The following PHACTR3 variants were observed in gnomAD, a reference collection of about 807,000 sequenced individuals.
The protein encoded by PHACTR3 is protein phosphatase 1, regulatory subunit 123.
A neutral mutation model predicts 66.8 loss-of-function variants in PHACTR3; 16 were observed. The ratio of observed to expected loss-of-function variants is 0.24; its 90% CI spans 0.16 to 0.36. The LOEUF is 0.36. PHACTR3 is among the 10% of genes least tolerant of loss of function. The pLI, the probability that PHACTR3 is intolerant of heterozygous loss-of-function variation, is 1.00. For missense variants in PHACTR3, 647 were observed against 719.9 expected (o/e 0.90, Z 1.16); for synonymous variants, 323 against 292.1 (o/e 1.11, Z -1.08).
At chr20:59,761,066 C>T (rs1178522464) in intron 4 of PHACTR3, among the ~76,000 whole-genome samples, 1 of 152,066 alleles carries the variant, frequency 6.6e-6, no homozygotes, top group Non-Finnish European at 1.5e-5. Flanking sequence ...AGGAGACAAA[C>T]ATTTCTTCTG....
rs117167478 is a variant in PHACTR3, at chr20:59,635,374, C to T, written c.118+30242C>T. Among the ~76,000 whole-genome samples, 657 of 150,702 alleles carry T rather than the reference C, an allele frequency of 4.4e-3. 13 individuals are homozygous for T. The highest frequency in any genetic ancestry group is 0.022 in the East Asian group (111 of 5,082). ...CTCAGCATCCCAATAGTTGGGATTACGGGCGTGCACCACCACACTCGGCTA... is the reference window on the plus strand; with the variant it reads ...CTCAGCATCCCAATAGTTGGGATTATGGGCGTGCACCACCACACTCGGCTA... On this transcript the variant is annotated intron_variant, in intron 1 of 12. Transcript: ENST00000371015.
intron 8 of PHACTR3, among the ~76,000 whole-genome samples, chr20:59,827,649 A>G (rs764301339): frequency 6.6e-6 from 1 of 151,780 alleles, no homozygotes; most frequent in Non-Finnish European, 1.5e-5. Context: ...TGGGAGGCCA[A>G]CTCCACGTAC....
chr20:59,811,776 C>G (rs1381336097), intron 8 of PHACTR3, among the ~76,000 whole-genome samples: 1 of 152,178 alleles, frequency 6.6e-6, no homozygotes, highest in Admixed American at 6.5e-5. Flanking sequence ...AACAGTGCAG[C>G]AAGCAGGCTA....
At position 59,800,330 on chromosome 20, in the gene PHACTR3, A is replaced by G. The variant is rs780268925; in HGVS notation, c.1175-5711A>G. Among the ~76,000 whole-genome samples the G allele has an allele frequency of 2.6e-5, 4 of 152,282 alleles. No homozygotes were observed. In the South Asian group the frequency reaches 8.3e-4, roughly 32 times the overall value. On this transcript the variant is annotated intron_variant, in intron 7 of 12. Coordinates refer to ENST00000371015, the MANE Select transcript of PHACTR3 (RefSeq NM_080672.5). ...TAAAGGATTTCCTTTGTCATTTCTTATAATGCAGGTCTGCTGGTGATGAAA... is the reference window on the plus strand; with the variant it reads ...TAAAGGATTTCCTTTGTCATTTCTTGTAATGCAGGTCTGCTGGTGATGAAA...
chr20:59,713,060 C>T (rs1288654776), intron 1 of PHACTR3, among the ~76,000 whole-genome samples: 1 of 152,212 alleles, frequency 6.6e-6, no homozygotes, highest in African/African-American at 2.4e-5. Flanking sequence ...AGCGAGTTTG[C>T]CTCATTTCTC....
chr20:59,622,146 A>ATTT (rs113981336), intron 1 of PHACTR3, among the ~76,000 whole-genome samples: 6 of 144,594 alleles, frequency 4.1e-5, no homozygotes, highest in African/African-American at 1.3e-4. Flanking sequence ...ACTTCCCCTG[A>ATTT]TTTTTTTTTT....
At position 59,840,315 on chromosome 20, in the gene PHACTR3, G is replaced by A. The variant is rs146467031; in HGVS notation, c.1385-54G>A. 47 of 1,587,940 alleles carry A rather than the reference G, an allele frequency of 3.0e-5. No homozygotes were observed. The African/African-American group carries it at 3.7e-4, about 12-fold the overall frequency. ...ACACTTCCCTGCTGAAGAGAAGAAC[G>A]TTTCAACCTGTTTCTCTTTGTTATT... is the stretch of plus-strand genomic sequence containing the variant. On this transcript the variant is annotated intron_variant, in intron 9 of 12. Coordinates refer to ENST00000371015, the MANE Select transcript of PHACTR3 (RefSeq NM_080672.5).
intron 1 of PHACTR3, among the ~76,000 whole-genome samples, chr20:59,605,598 C>T (rs1309338677): frequency 6.6e-6 from 1 of 152,206 alleles, no homozygotes; most frequent in Non-Finnish European, 1.5e-5. Flanking sequence ...TTCCACCAGG[C>T]GCCTGACTCC....
intron 1 of PHACTR3, among the ~76,000 whole-genome samples, chr20:59,712,242 C>A (rs2037936442): frequency 6.6e-6 from 1 of 152,076 alleles, no homozygotes. Context: ...TCCAGTGTGA[C>A]TTTTCCCCAA....
At chr20:59,605,543 T>C (rs2033629800) in intron 1 of PHACTR3, among the ~76,000 whole-genome samples, 1 of 152,148 alleles carries the variant, frequency 6.6e-6, no homozygotes, top group South Asian at 2.1e-4. Flanking sequence ...GGGCATCTGC[T>C]CCTGGAAGGC....
At chr20:59,615,318 G>A (rs1217988600) in intron 1 of PHACTR3, among the ~76,000 whole-genome samples, 1 of 152,150 alleles carries the variant, frequency 6.6e-6, no homozygotes, top group African/African-American at 2.4e-5. Context: ...TTTCATCTTG[G>A]TCTTGTGGCC....
chr20:59,622,392 G>A (rs1171926188), intron 1 of PHACTR3, among the ~76,000 whole-genome samples: 2 of 152,118 alleles, frequency 1.3e-5, no homozygotes, highest in Non-Finnish European at 2.9e-5. Context: ...CCTACTCCTG[G>A]GGTGGGTATG....
intron 7 of PHACTR3, among the ~76,000 whole-genome samples, chr20:59,797,235 C>T (rs1298379696): frequency 6.6e-6 from 1 of 152,056 alleles, no homozygotes; most frequent in African/African-American, 2.4e-5. Context: ...AAATTGTTTT[C>T]CTGATTTCAT....
chr20:59,630,478 C>T (rs755995680), intron 1 of PHACTR3, among the ~76,000 whole-genome samples: 4 of 152,244 alleles, frequency 2.6e-5, no homozygotes, highest in Non-Finnish European at 4.4e-5. Flanking sequence ...CCACCGTTCC[C>T]AGCCTGTTTA....
intron 1 of PHACTR3, among the ~76,000 whole-genome samples, chr20:59,579,145 A>C (rs2032796638): frequency 6.6e-6 from 1 of 152,226 alleles, no homozygotes; most frequent in South Asian, 2.1e-4. Context: ...GGGCGTTCCC[A>C]GTCCTAACCT....
intron 1 of PHACTR3, among the ~76,000 whole-genome samples, chr20:59,642,175 G>A (rs2035126009): frequency 6.6e-6 from 1 of 151,886 alleles, no homozygotes; most frequent in South Asian, 2.1e-4. Context: ...GGATTAGAGA[G>A]GAAAAAAAAG....
chr20:59,787,254 G>A (rs548356503), intron 7 of PHACTR3, among the ~76,000 whole-genome samples: 6 of 152,204 alleles, frequency 3.9e-5, no homozygotes, highest in South Asian at 2.1e-4. Context: ...AGGCGTTCTC[G>A]CAGAGGATGC....
chr20:59,670,090 A>G (rs1405140891), intron 1 of PHACTR3, among the ~76,000 whole-genome samples: 1 of 152,248 alleles, frequency 6.6e-6, no homozygotes, highest in East Asian at 1.9e-4. Flanking sequence ...GACTCTTGCC[A>G]TCACGGAAGG....
At chr20:59,785,784 G>T (rs942473296) in intron 7 of PHACTR3, among the ~76,000 whole-genome samples, 3 of 152,214 alleles carry the variant, frequency 2.0e-5, no homozygotes, top group Non-Finnish European at 2.9e-5. Flanking sequence ...TCCCTGGCAT[G>T]TTGCACCAGC....
Sources: gnomAD v4.1 joint callset for allele counts (sites outside exome capture counted in the v4.1 genomes callset) on GRCh38, gnomAD v4.1.1 for gene constraint, MANE v1.5 for transcripts, NCBI Gene and HGNC (gene_info 2026-07-23, HGNC 2026-07-21) for gene names.